The following ATXN7L1 variants were observed in gnomAD, a reference collection of about 807,000 sequenced individuals.
The protein encoded by ATXN7L1 is ataxin-7-like protein 1.
ATXN7L1 carries 15 observed loss-of-function variants against 70.8 expected under a neutral mutation model. The observed-to-expected ratio is 0.21, with a 90% CI of 0.14 to 0.33. The LOEUF (loss-of-function observed/expected upper bound fraction) is 0.33. Ranked by LOEUF, ATXN7L1 falls within the 10% of genes least tolerant of loss-of-function variation. The pLI is 1.00. For synonymous variants in ATXN7L1, 440 were observed against 445.1 expected (o/e 0.99, Z 0.14); for missense variants, 975 against 1,097.1 (o/e 0.89, Z 1.57).
At chr7:105,645,645 A>AG (rs1315575082) in intron 4 of ATXN7L1, among the ~76,000 whole-genome samples, 1 of 151,406 alleles carries the variant, frequency 6.6e-6, no homozygotes, top group Non-Finnish European at 1.5e-5. Context: ...AAATCCAAAA[A>AG]AAAAAAAAAA....
At chr7:105,739,582 G>C (rs1797785510) in intron 3 of ATXN7L1, among the ~76,000 whole-genome samples, 1 of 152,198 alleles carries the variant, frequency 6.6e-6, no homozygotes, top group Non-Finnish European at 1.5e-5. Flanking sequence ...GGAGGGCAAG[G>C]GATGGAGAAT....
chr7:105,712,426 A>T (rs1794042964), intron 3 of ATXN7L1, among the ~76,000 whole-genome samples: 1 of 152,180 alleles, frequency 6.6e-6, no homozygotes, highest in African/African-American at 2.4e-5. Context: ...CCAAACTTTT[A>T]TGCTCTGCTT....
chr7:105,624,107 GAC>G lies in ATXN7L1; in HGVS notation c.1361_1362del (p.Cys454SerfsTer28). The G allele has an allele frequency of 6.6e-7, 1 of 1,507,290 alleles. No homozygotes were observed. The allele number at this position is 1,507,290 out of a possible 1,614,324, so 93.4% of individuals were successfully genotyped here. On this transcript the variant is annotated frameshift_variant, in exon 8 of 12. Transcript: ENST00000419735. LOFTEE classifies it high-confidence loss of function. Reference sequence around the variant, plus strand: ...GGTCTGGGGTGGTGCGTGGAGAACTGACAGTCTAGCTTCTCGGATTCGTCGGC... The same window carrying G: ...GGTCTGGGGTGGTGCGTGGAGAACTGAGTCTAGCTTCTCGGATTCGTCGGC... Reference protein sequence around the residue: ...DGADESEKLDCQFSTHHPRPL... With the variant: ...DGADESEKLDXQFSTHHPRPL...
chr7:105,716,234 CTTA>C (rs961701379), intron 3 of ATXN7L1, among the ~76,000 whole-genome samples: 1 of 151,926 alleles, frequency 6.6e-6, no homozygotes, highest in African/African-American at 2.4e-5. Flanking sequence ...TCATTATATA[CTTA>C]TTATATATTT....
chr7:105,755,994 C>T (rs911988231), intron 3 of ATXN7L1, among the ~76,000 whole-genome samples: 3 of 152,212 alleles, frequency 2.0e-5, no homozygotes, highest in Non-Finnish European at 2.9e-5. Flanking sequence ...CCTGGCTCCA[C>T]AGTCTTTGTG....
At chr7:105,743,458 T>G (rs1049221629) in intron 3 of ATXN7L1, among the ~76,000 whole-genome samples, 2 of 152,068 alleles carry the variant, frequency 1.3e-5, no homozygotes, top group Non-Finnish European at 1.5e-5. Flanking sequence ...TTCAGGAGAA[T>G]TCTCGGTTGC....
intron 2 of ATXN7L1, chr7:105,819,852 T>A (rs1382105592): frequency 4.9e-6 from 3 of 609,472 alleles, no homozygotes; most frequent in Admixed American, 1.9e-5. Flanking sequence ...TGGTGGTTCC[T>A]GCTGCCCTCA....
intron 2 of ATXN7L1, among the ~76,000 whole-genome samples, chr7:105,804,002 C>G (rs1056237231): frequency 6.6e-6 from 1 of 152,152 alleles, no homozygotes; most frequent in Non-Finnish European, 1.5e-5. Flanking sequence ...GTCCCTGTCC[C>G]CTCCCTGACT....
At chr7:105,628,928 A>C (rs1470047981) in intron 7 of ATXN7L1, among the ~76,000 whole-genome samples, 1 of 125,204 alleles carries the variant, frequency 8.0e-6, no homozygotes, top group East Asian at 2.3e-4. Context: ...ATGTCACCTC[A>C]CAGTTACCGG....
intron 10 of ATXN7L1, among the ~76,000 whole-genome samples, chr7:105,611,268 A>T (rs1793128493): frequency 6.6e-6 from 1 of 152,240 alleles, no homozygotes; most frequent in Non-Finnish European, 1.5e-5. Flanking sequence ...GATGCCAGGC[A>T]CTAACCAGTC....
At chr7:105,769,316 G>A (rs1345167068) in intron 3 of ATXN7L1, among the ~76,000 whole-genome samples, 6 of 152,238 alleles carry the variant, frequency 3.9e-5, no homozygotes, top group South Asian at 2.1e-4. Flanking sequence ...TTCTGGAAGC[G>A]TGACCATGGA....
chr7:105,760,633 G>T, intron 3 of ATXN7L1: 1 of 867,162 alleles, frequency 1.2e-6, no homozygotes, highest in Non-Finnish European at 1.4e-6. Context: ...GAGTTGGGAA[G>T]GCAGACATTA....
chr7:105,703,593 C>T (rs568292011), intron 3 of ATXN7L1, among the ~76,000 whole-genome samples: 12 of 152,300 alleles, frequency 7.9e-5, no homozygotes, highest in South Asian at 4.1e-4. Context: ...GTGCAATTAA[C>T]GGTATTCAAG....
chr7:105,778,216 A>G (rs963053471), intron 3 of ATXN7L1, among the ~76,000 whole-genome samples: 1 of 152,114 alleles, frequency 6.6e-6, no homozygotes, highest in Non-Finnish European at 1.5e-5. Flanking sequence ...TCAATTAAAA[A>G]TGAATTCTGG....
At chr7:105,764,298 A>C (rs1336888290) in intron 3 of ATXN7L1, among the ~76,000 whole-genome samples, 2 of 132,570 alleles carry the variant, frequency 1.5e-5, no homozygotes, top group East Asian at 2.1e-4. Flanking sequence ...GGCAAAGCTT[A>C]AAGAAAAAAA....
intron 7 of ATXN7L1, among the ~76,000 whole-genome samples, chr7:105,634,672 A>T (rs1284621414): frequency 6.6e-6 from 1 of 152,152 alleles, no homozygotes; most frequent in African/African-American, 2.4e-5. Flanking sequence ...GAAAAAAACT[A>T]TTATAAAGCT....
intron 3 of ATXN7L1, among the ~76,000 whole-genome samples, chr7:105,678,309 T>C (rs1288995041): frequency 6.6e-6 from 1 of 152,164 alleles, no homozygotes; most frequent in Admixed American, 6.5e-5. Context: ...AGTTAGGAAC[T>C]GACTGTGTGT....
At chr7:105,742,115 C>T (rs367908307) in intron 3 of ATXN7L1, among the ~76,000 whole-genome samples, 2 of 152,308 alleles carry the variant, frequency 1.3e-5, no homozygotes, top group African/African-American at 4.8e-5. Context: ...GACACATTGT[C>T]ACGAACAGAG....
chr7:105,659,105 C>G (rs1801168546), intron 4 of ATXN7L1, among the ~76,000 whole-genome samples: 1 of 152,158 alleles, frequency 6.6e-6, no homozygotes. Flanking sequence ...CCACTGTACT[C>G]CAATCTGGGT....
Sources: allele counts gnomAD v4.1 joint callset (sites outside exome capture counted in the v4.1 genomes callset), GRCh38; gene constraint gnomAD v4.1.1; transcripts MANE v1.5; gene names NCBI Gene and HGNC (gene_info 2026-07-23, HGNC 2026-07-21).